The following ZNF536 variants were observed in gnomAD, a reference collection of about 807,000 sequenced individuals.
ZNF536 encodes zinc finger protein 536.
Under a neutral mutation model 84.5 loss-of-function variants are expected in ZNF536, and 13 were observed. The observed-to-expected ratio is 0.15, with a 90% CI of 0.10 to 0.24. The LOEUF (loss-of-function observed/expected upper bound fraction) is 0.24, where lower values mean the gene tolerates loss of function less well. Ranked by LOEUF, ZNF536 falls within the 10% of genes least tolerant of loss-of-function variation. The pLI is 1.00. For missense variants in ZNF536, 1,536 were observed against 1,747.5 expected (o/e 0.88, Z 2.16); for synonymous variants, 811 against 742.5 (o/e 1.09, Z -1.50).
At chr19:30,414,403 C>T (rs1318737678) in intron 1 of ZNF536, among the ~76,000 whole-genome samples, 1 of 152,018 alleles carries the variant, frequency 6.6e-6, no homozygotes, top group Admixed American at 6.6e-5. Context: ...TTTTTGCTAT[C>T]GTTTTTATGT....
At chr19:30,462,451 G>A (rs2053184704) in intron 2 of ZNF536, among the ~76,000 whole-genome samples, 3 of 151,992 alleles carry the variant, frequency 2.0e-5, no homozygotes, top group Admixed American at 2.0e-4. Context: ...GGTAGCTGCG[G>A]GTGCATGTAT....
chr19:30,420,269 C>G (rs548951902), intron 1 of ZNF536, among the ~76,000 whole-genome samples: 5 of 152,290 alleles, frequency 3.3e-5, no homozygotes, highest in South Asian at 2.1e-4. Context: ...CAAAATACCC[C>G]CAAAGAAGAA....
intron 2 of ZNF536, among the ~76,000 whole-genome samples, chr19:30,314,031 T>C (rs2046595975): frequency 6.6e-6 from 1 of 152,240 alleles, no homozygotes; most frequent in South Asian, 2.1e-4. Context: ...ACTCCAGCTC[T>C]TATTCCCAAT....
intron 1 of ZNF536, among the ~76,000 whole-genome samples, chr19:30,406,470 C>T (rs1404480029): frequency 6.6e-6 from 1 of 152,144 alleles, no homozygotes; most frequent in Non-Finnish European, 1.5e-5. Flanking sequence ...CAGGAGACTG[C>T]AGGCTGATGT....
chr19:30,678,646 G>C (rs1355719134), intron 1 of ZNF536, among the ~76,000 whole-genome samples: 2 of 152,290 alleles, frequency 1.3e-5, no homozygotes, highest in South Asian at 2.1e-4. Context: ...TGGACTCCTA[G>C]AGCCAAGCAG....
chr19:30,397,740 C>G (rs1209070596), intron 1 of ZNF536, among the ~76,000 whole-genome samples: 1 of 152,132 alleles, frequency 6.6e-6, no homozygotes, highest in Non-Finnish European at 1.5e-5. Context: ...CAATAAGACC[C>G]CTTAATGATT....
intron 2 of ZNF536, among the ~76,000 whole-genome samples, chr19:30,306,685 G>A (rs2046352233): frequency 6.6e-6 from 1 of 152,200 alleles, no homozygotes; most frequent in Non-Finnish European, 1.5e-5. Flanking sequence ...AGTTACTTCT[G>A]AGCTGAAACA....
chr19:30,539,876 G>T (rs1383998511), intron 3 of ZNF536, among the ~76,000 whole-genome samples: 1 of 152,186 alleles, frequency 6.6e-6, no homozygotes, highest in Non-Finnish European at 1.5e-5. Flanking sequence ...CCATGTGTGG[G>T]TTTTTCGGGA....
chr19:30,299,445 G>A (rs1467847602), intron 2 of ZNF536, among the ~76,000 whole-genome samples: 1 of 152,136 alleles, frequency 6.6e-6, no homozygotes. Context: ...AATCCATTGT[G>A]AATGAGAGAA....
At chr19:30,245,362 AC>A (rs1352305660) in intron 1 of ZNF536, among the ~76,000 whole-genome samples, 4 of 152,204 alleles carry the variant, frequency 2.6e-5, no homozygotes, top group African/African-American at 9.7e-5. Flanking sequence ...CCTCCACAGG[AC>A]TAGACTCCCC....
At chr19:30,408,182 A>G (rs1328823024) in intron 1 of ZNF536, among the ~76,000 whole-genome samples, 1 of 152,096 alleles carries the variant, frequency 6.6e-6, no homozygotes, top group African/African-American at 2.4e-5. Context: ...AGGAAGTTCA[A>G]CCTGTTTTTT....
At chr19:30,604,805 G>T (rs1404404130) in intron 1 of ZNF536, among the ~76,000 whole-genome samples, 1 of 152,122 alleles carries the variant, frequency 6.6e-6, no homozygotes, top group East Asian at 1.9e-4. Context: ...CGAGTGACTG[G>T]CCTGAGGTTG....
intron 2 of ZNF536, among the ~76,000 whole-genome samples, chr19:30,503,070 A>G (rs1302549051): frequency 6.6e-6 from 1 of 152,218 alleles, no homozygotes; most frequent in East Asian, 1.9e-4. Flanking sequence ...CATTTAACAC[A>G]GTACTGGCAA....
intron 1 of ZNF536, among the ~76,000 whole-genome samples, chr19:30,614,435 G>A (rs1164844069): frequency 2.7e-5 from 4 of 149,476 alleles, no homozygotes; most frequent in Non-Finnish European, 4.4e-5. Flanking sequence ...ACCTTTAAAG[G>A]AAGGGCAGTG....
rs866274492 is a variant in ZNF536 at position 30,445,297 on chromosome 19, C to T, written c.1735C>T (p.Pro579Ser). 1 of 1,614,196 alleles carries T rather than the reference C, an allele frequency of 6.2e-7. No individual in the cohort carries two copies. The highest frequency in any genetic ancestry group is 1.1e-5 in the South Asian group (1 of 91,092). The change falls in exon 2 of 5, where the codon CCT becomes TCT. Residue 579 changes from proline to serine, a missense_variant. By Grantham distance (74) the Pro-to-Ser change is moderately conservative. Transcript: ENST00000355537. This position sits in a 1 kb window ranked among gnomAD's most constrained non-coding sequence, Gnocchi z 4.5. Reference sequence around the variant, plus strand: ...AGCAGATGGCTCCAAGCAGAAAATGCCTGCTGATTTGGTTCACAGCACTAA... The same window carrying T: ...AGCAGATGGCTCCAAGCAGAAAATGTCTGCTGATTTGGTTCACAGCACTAA... The part of the protein sequence containing the change: ...VGADGSKQKM[P>S]ADLVHSTKVG...
Position 30,507,794 on chromosome 19 carries a change from C to G in ZNF536, c.2171-27053C>G, listed in dbSNP as rs149221101. Among the ~76,000 whole-genome samples the G allele has an allele frequency of 6.2e-4, 95 of 152,202 alleles. 1 individual carries two copies. The highest frequency in any genetic ancestry group is 2.2e-3 in the African/African-American group (90 of 41,528). On this transcript the variant is annotated intron_variant, in intron 2 of 4. Coordinates refer to ENST00000355537, the MANE Select transcript of ZNF536 (RefSeq NM_014717.3). ...AGCCAAAATATTATGACTATTTTAA[C>G]CCAGTAGGCACAAATAAGAGACAAT... is the stretch of plus-strand genomic sequence containing the variant.
At chr19:30,650,388 A>G (rs1353651823) in intron 1 of ZNF536, among the ~76,000 whole-genome samples, 2 of 152,168 alleles carry the variant, frequency 1.3e-5, no homozygotes, top group Non-Finnish European at 2.9e-5. Flanking sequence ...CCTAGAACTA[A>G]ATGTGCTGAA....
chr19:30,349,794 T>C (rs192700744), intron 2 of ZNF536, among the ~76,000 whole-genome samples: 1 of 152,190 alleles, frequency 6.6e-6, no homozygotes, highest in East Asian at 1.9e-4. Context: ...ATAATATTAA[T>C]TTCTTTTCTG....
At chr19:30,244,366 T>A (rs7247485) in intron 1 of ZNF536, among the ~76,000 whole-genome samples, 144,420 of 152,212 alleles carry the variant, frequency 0.95, 68,541 homozygotes, top group East Asian at 0.98. Flanking sequence ...TGTGCAAAAA[T>A]ATATGGGTAT....
Sources: allele counts gnomAD v4.1 joint callset (sites outside exome capture counted in the v4.1 genomes callset), GRCh38; gene constraint gnomAD v4.1.1; non-coding constraint Gnocchi (gnomAD v3.1); transcripts MANE v1.5; gene names NCBI Gene and HGNC (gene_info 2026-07-23, HGNC 2026-07-21).